TIMM23: variants seen among roughly 807,000 people sequenced by gnomAD.
TIMM23 encodes the protein mitochondrial import inner membrane translocase subunit Tim23.
A neutral mutation model predicts 30.7 loss-of-function variants in TIMM23; 19 were observed. The observed-to-expected ratio is 0.62, with a 90% confidence interval of 0.43 to 0.91. The LOEUF (loss-of-function observed/expected upper bound fraction) is 0.91, where lower values mean the gene tolerates loss of function less well. Among genes scored for constraint, TIMM23 ranks in the 40% least tolerant of loss-of-function variants. The probability of loss-of-function intolerance (pLI) is 0.00; values close to 1 mark genes in which losing one functional copy is unlikely to be tolerated. For missense variants in TIMM23, 202 were observed against 269.2 expected (o/e 0.75, Z 1.75); for synonymous variants, 78 against 98.5 (o/e 0.79, Z 1.23).
At chr10:45,994,579 A>G (rs1453901144) in intron 6 of TIMM23, among the ~76,000 whole-genome samples, 2 of 115,630 alleles carry the variant, frequency 1.7e-5, no homozygotes, top group Non-Finnish European at 1.8e-5. Flanking sequence ...TGCTAGGACT[A>G]CAGGCACACG....
intron 1 of TIMM23, among the ~76,000 whole-genome samples, chr10:45,974,708 A>G (rs1426981730): frequency 6.6e-6 from 1 of 152,246 alleles, no homozygotes; most frequent in African/African-American, 2.4e-5. Context: ...CTAGGATGGT[A>G]GCAATAGAGA....
rs386371331 is a variant in TIMM23, at chr10:46,002,810, ATTTTTTT to A, written c.515-375_515-369del. Reference sequence around the variant, plus strand: ...TAAAATGGTCTCTCCATTTCATAGTATTTTTTTTTTTTTTTTTTTTTTTTGACGGAGT... The same window carrying A: ...TAAAATGGTCTCTCCATTTCATAGTATTTTTTTTTTTTTTTTTGACGGAGT... On this transcript the variant is annotated intron_variant, in intron 6 of 6. Transcript: ENST00000580018. Among the ~76,000 whole-genome samples the A allele has an allele frequency of 4.1e-3, 388 of 95,088 alleles. 3 individuals are homozygous for A. The highest frequency in any genetic ancestry group is 0.011 in the South Asian group (27 of 2,496). The allele number at this position is 95,088 out of a possible 152,430, so 62.4% of individuals were successfully genotyped here. A position where few individuals can be genotyped will look rare whatever the true frequency, so the allele number is the denominator to read the frequency against.
At chr10:45,983,520 C>T (rs1369410002) in intron 4 of TIMM23, among the ~76,000 whole-genome samples, 5 of 152,308 alleles carry the variant, frequency 3.3e-5, no homozygotes, top group Non-Finnish European at 5.9e-5. Context: ...TTTCACCCAA[C>T]TTAAGAAGTA....
At chr10:45,998,452 T>TA (rs1356981754) in intron 6 of TIMM23, 1 of 926,094 alleles carries the variant, frequency 1.1e-6, no homozygotes, top group Non-Finnish European at 1.3e-6. Flanking sequence ...CCATTGGCCT[T>TA]ATTTGGTTAC....
chr10:45,986,263 T>A (rs1257505052), intron 5 of TIMM23, among the ~76,000 whole-genome samples: 5 of 152,170 alleles, frequency 3.3e-5, no homozygotes, highest in African/African-American at 9.6e-5. Flanking sequence ...GCTGCTTTCA[T>A]ATGTTGCTGA....
intron 2 of TIMM23, among the ~76,000 whole-genome samples, chr10:45,979,214 G>A (rs4406781): frequency 6.6e-6 from 1 of 152,168 alleles, no homozygotes; most frequent in Non-Finnish European, 1.5e-5. Context: ...TTGGTTGCAC[G>A]ACTCTGAATA....
intron 6 of TIMM23, among the ~76,000 whole-genome samples, chr10:46,001,414 GA>G (rs1554917669): frequency 6.6e-6 from 1 of 152,112 alleles, no homozygotes; most frequent in African/African-American, 2.4e-5. Flanking sequence ...AGATAATTAT[GA>G]CACTTAGCAT....
intron 1 of TIMM23, among the ~76,000 whole-genome samples, chr10:45,974,850 A>G (rs1410559441): frequency 6.6e-6 from 1 of 152,004 alleles, no homozygotes; most frequent in East Asian, 1.9e-4. Context: ...TCCAAAGATG[A>G]TAGGTTTTAC....
Position 45,974,445 on chromosome 10 carries a change from A to G in TIMM23, c.107-1009A>G, listed in dbSNP as rs1554912553. ...TAGCTAGTGCAAATGTCCTGAAACA[A>G]AACAAATTTGGCAGGTTTAAGGAAC... On this transcript the variant is annotated intron_variant, in intron 1 of 6. Coordinates refer to ENST00000580018, the MANE Select transcript of TIMM23 (RefSeq NM_006327.4). Among the ~76,000 whole-genome samples the G allele has an allele frequency of 4.7e-3, 723 of 152,330 alleles. 5 individuals are homozygous for G. The highest frequency in any genetic ancestry group is 0.019 in the East Asian group (97 of 5,180).
Position 45,985,454 on chromosome 10 carries a change from C to T in TIMM23, c.403+13C>T. 6.2e-7 allele frequency: 1 copy of T among 1,613,290 alleles called. No homozygotes were observed. The highest frequency in any genetic ancestry group is 1.7e-5 in the Admixed American group (1 of 59,992). ...CTAGGTTCTCTGGGTAAGTAGAGAT[C>T]TCATTTGATAATAAATTGTTAAAGA... On this transcript the variant is annotated intron_variant, in intron 5 of 6. Coordinates refer to ENST00000580018, the MANE Select transcript of TIMM23 (RefSeq NM_006327.4).
chr10:45,979,678 C>T (rs1165787734), intron 2 of TIMM23, among the ~76,000 whole-genome samples: 4 of 136,456 alleles, frequency 2.9e-5, no homozygotes, highest in Admixed American at 8.4e-5. Context: ...GAATCACTAA[C>T]GGCATCTGAC....
intron 6 of TIMM23, among the ~76,000 whole-genome samples, chr10:45,994,402 A>G (rs1197446214): frequency 7.0e-6 from 1 of 142,716 alleles, no homozygotes; most frequent in Non-Finnish European, 1.5e-5. Context: ...GACAGCTGCT[A>G]GTTTTTCCCT....
intron 6 of TIMM23, among the ~76,000 whole-genome samples, chr10:45,993,570 A>G: frequency 6.6e-6 from 1 of 152,302 alleles, no homozygotes; most frequent in Middle Eastern, 3.4e-3. Context: ...ATGATGTGAC[A>G]TGACATGACA....
chr10:45,990,968 T>A (rs1838148271), intron 6 of TIMM23, among the ~76,000 whole-genome samples: 1 of 152,174 alleles, frequency 6.6e-6, no homozygotes, highest in Non-Finnish European at 1.5e-5. Flanking sequence ...CAAACTAAAA[T>A]TCAGACAAGT....
chr10:45,972,733 A>G lies in TIMM23; in HGVS notation c.106+3A>G, dbSNP rs781940260. On this transcript the variant is annotated splice_donor_region_variant and intron_variant, in intron 1 of 6. Transcript: ENST00000580018. ...CGCGGATTTGGCTGGCGTCCCGCGT[A>G]AGTATGGGGCCTAGCTTGCGATTAT... 2.5e-6 allele frequency: 4 copies of G among 1,613,374 alleles called. No individual in the cohort carries two copies. The highest frequency in any genetic ancestry group is 3.4e-6 in the Non-Finnish European group (4 of 1,179,828).
chr10:46,003,144 G>C, intron 6 of TIMM23, 59 bp from the exon 7 acceptor site: 1 of 1,348,134 alleles, frequency 7.4e-7, no homozygotes. Flanking sequence ...TAACCCTATC[G>C]TGCTAGGGCA....
At chr10:45,986,622 A>C (rs1837996993) in intron 5 of TIMM23, among the ~76,000 whole-genome samples, 1 of 152,228 alleles carries the variant, frequency 6.6e-6, no homozygotes, top group Non-Finnish European at 1.5e-5. Context: ...GCAAGGGGCA[A>C]GTGTAGCTAT....
chr10:45,976,196 T>G (rs1837667890), intron 2 of TIMM23, among the ~76,000 whole-genome samples: 2 of 152,114 alleles, frequency 1.3e-5, no homozygotes, highest in South Asian at 4.2e-4. Flanking sequence ...ATTAATGTAT[T>G]GTGCCATATC....
intron 6 of TIMM23, among the ~76,000 whole-genome samples, chr10:45,999,287 C>G (rs1277917301): frequency 1.3e-5 from 2 of 152,154 alleles, no homozygotes; most frequent in African/African-American, 4.8e-5. Flanking sequence ...ACTACAGATG[C>G]ATGCCACCAT....
Sources: allele counts gnomAD v4.1 joint callset (sites outside exome capture counted in the v4.1 genomes callset), GRCh38; gene constraint gnomAD v4.1.1; transcripts MANE v1.5; gene names NCBI Gene and HGNC (gene_info 2026-07-23, HGNC 2026-07-21).